Variants in GOLM2 observed in about 807,000 individuals in gnomAD.
GOLM2 encodes protein GOLM2.
Under a neutral mutation model 55.9 loss-of-function variants are expected in GOLM2, and 26 were observed. The observed-to-expected ratio is 0.47, with a 90% CI of 0.34 to 0.65. The LOEUF is 0.65. Among genes scored for constraint, GOLM2 ranks in the 30% least tolerant of loss-of-function variants. The pLI, the probability that GOLM2 is intolerant of heterozygous loss-of-function variation, is 0.01. For synonymous variants in GOLM2, 165 were observed against 194.6 expected, an observed-to-expected ratio of 0.85 and a Z score of 1.27; for missense variants, 486 against 531.8, an observed-to-expected ratio of 0.91 and a Z score of 0.85.
At chr15:44,370,680 A>T (rs1321494956) in intron 6 of GOLM2, among the ~76,000 whole-genome samples, 3 of 152,068 alleles carry the variant, frequency 2.0e-5, no homozygotes, top group African/African-American at 7.2e-5. Flanking sequence ...AATAGGGAAG[A>T]CGGGGAGAAT....
chr15:44,298,265 C>CTT (rs1244084019), intron 1 of GOLM2, among the ~76,000 whole-genome samples: 3 of 134,402 alleles, frequency 2.2e-5, no homozygotes, highest in Non-Finnish European at 3.2e-5. Flanking sequence ...TTTTCTTTTT[C>CTT]TTTTTTTTTT....
intron 8 of GOLM2, among the ~76,000 whole-genome samples, chr15:44,399,771 G>T (rs2079552742): frequency 6.6e-6 from 1 of 152,118 alleles, no homozygotes; most frequent in Admixed American, 6.6e-5. Flanking sequence ...GAGGCGGGCG[G>T]ATCACCTGAG....
At chr15:44,331,161 C>T (rs974192046) in intron 3 of GOLM2, among the ~76,000 whole-genome samples, 4 of 151,992 alleles carry the variant, frequency 2.6e-5, no homozygotes, top group African/African-American at 9.7e-5. Context: ...ACCACAGGCA[C>T]GTACCACCAT....
At chr15:44,365,142 T>C (rs12591811) in intron 6 of GOLM2, among the ~76,000 whole-genome samples, 6,821 of 152,276 alleles carry the variant, frequency 0.045, 262 homozygotes, top group East Asian at 0.19. Flanking sequence ...AACCAAGATA[T>C]TCTTCAGTAG....
In GOLM2 at chr15:44,413,663, C is replaced by G. The variant is rs540130412; in HGVS notation, c.*257C>G. On this transcript the variant is annotated 3_prime_UTR_variant, in exon 10 of 10. Transcript: ENST00000299957. Reference sequence around the variant, plus strand: ...AGCTAATCTTTGCATCTAAAGCAAACTAATGTATATTTCACATTTTATTGA... The same window carrying G: ...AGCTAATCTTTGCATCTAAAGCAAAGTAATGTATATTTCACATTTTATTGA... 27 of 361,946 alleles carry G rather than the reference C, an allele frequency of 7.5e-5. No homozygotes were observed. The highest frequency in any genetic ancestry group is 1.2e-4 in the Non-Finnish European group (24 of 199,132). 22.4% of individuals were successfully genotyped at this position (361,946 alleles called of 1,614,324 possible). A position where few individuals can be genotyped will look rare whatever the true frequency, so the allele number is the denominator to read the frequency against.
At chr15:44,369,096 TATATATATATATATATATATAC>T (rs1283190177) in intron 6 of GOLM2, among the ~76,000 whole-genome samples, 1 of 91,674 alleles carries the variant, frequency 1.1e-5, no homozygotes, top group Non-Finnish European at 2.3e-5. Flanking sequence ...TATATATATA[TATATATATATATATATATATAC>T]CCGGCTACCA....
chr15:44,359,193 G>A (rs1227505642), intron 6 of GOLM2, among the ~76,000 whole-genome samples: 2 of 151,824 alleles, frequency 1.3e-5, no homozygotes, highest in Non-Finnish European at 2.9e-5. Flanking sequence ...AGAAACTTCT[G>A]TGAGTGAAAA....
intron 1 of GOLM2, among the ~76,000 whole-genome samples, chr15:44,314,426 G>C (rs2078895120): frequency 6.6e-6 from 1 of 151,834 alleles, no homozygotes; most frequent in Non-Finnish European, 1.5e-5. Context: ...GGGCATGGTG[G>C]TGTATGCCTG....
intron 6 of GOLM2, chr15:44,348,758 T>C (rs1355902808): frequency 6.5e-6 from 1 of 153,516 alleles, no homozygotes; most frequent in Non-Finnish European, 1.4e-5. Flanking sequence ...CTAATGGTGG[T>C]GCCACAGTGG....
intron 9 of GOLM2, among the ~76,000 whole-genome samples, chr15:44,405,008 TC>T (rs1410463638): frequency 6.6e-6 from 1 of 152,248 alleles, no homozygotes; most frequent in Non-Finnish European, 1.5e-5. Context: ...GTCAATCATT[TC>T]TTATATCTTA....
intron 7 of GOLM2, 124 bp from the exon 8 acceptor site, chr15:44,380,661 CCTTTAAAAAAAAAAAAAAAAG>C: frequency 2.0e-6 from 1 of 504,582 alleles, no homozygotes; most frequent in Non-Finnish European, 3.2e-6. Context: ...TGAGAATAAA[CCTTTAAAAAAAAAAAAAAAAG>C]CTTTGTGGCT....
chr15:44,330,693 C>T (rs2079017477), intron 3 of GOLM2, among the ~76,000 whole-genome samples: 1 of 151,964 alleles, frequency 6.6e-6, no homozygotes, highest in African/African-American at 2.4e-5. Context: ...ATCATGCCTG[C>T]ACTCCAGTCT....
At chr15:44,351,507 G>A (rs1389462068) in intron 6 of GOLM2, among the ~76,000 whole-genome samples, 13 of 146,992 alleles carry the variant, frequency 8.8e-5, no homozygotes, top group Non-Finnish European at 1.9e-4. Flanking sequence ...AACCCGGGAG[G>A]CACAGCTTGC....
chr15:44,310,508 A>C lies in GOLM2; in HGVS notation c.328-12457A>C, dbSNP rs61658835. On this transcript the variant is annotated intron_variant, in intron 1 of 9. Coordinates refer to ENST00000299957, the MANE Select transcript of GOLM2 (RefSeq NM_138423.4). ...TATATATACACACACACACCCACAC[A>C]CACACACACACACACACATACATAT... Among the ~76,000 whole-genome samples, 1,356 of 148,790 alleles carry C rather than the reference A, an allele frequency of 9.1e-3. 24 individuals carry two copies. Among genetic ancestry groups the C allele is most frequent in the African/African-American group, 0.032 (1,274 of 40,394 alleles).
chr15:44,318,668 C>A (rs1368559143), intron 1 of GOLM2, among the ~76,000 whole-genome samples: 1 of 149,586 alleles, frequency 6.7e-6, no homozygotes, highest in Non-Finnish European at 1.5e-5. Context: ...GAGATTGGGT[C>A]GCTGCACTCC....
At chr15:44,409,161 G>A (rs954004316) in intron 9 of GOLM2, among the ~76,000 whole-genome samples, 3 of 151,098 alleles carry the variant, frequency 2.0e-5, no homozygotes, top group African/African-American at 7.3e-5. Flanking sequence ...GCGGGCACCC[G>A]TAGTCCCAGC....
chr15:44,345,186 T>A (rs2079115727), intron 6 of GOLM2, among the ~76,000 whole-genome samples: 1 of 151,850 alleles, frequency 6.6e-6, no homozygotes, highest in Non-Finnish European at 1.5e-5. Context: ...CTCAGCTCAC[T>A]GCAACTGCCG....
intron 1 of GOLM2, among the ~76,000 whole-genome samples, chr15:44,301,793 T>C (rs1414180680): frequency 6.6e-6 from 1 of 151,904 alleles, no homozygotes; most frequent in Non-Finnish European, 1.5e-5. Flanking sequence ...ATGCCTATAA[T>C]CCCATTTACT....
intron 3 of GOLM2, among the ~76,000 whole-genome samples, chr15:44,331,198 G>C (rs933447072): frequency 4.6e-5 from 7 of 152,056 alleles, no homozygotes; most frequent in Non-Finnish European, 1.0e-4. Flanking sequence ...TGTATCTTTA[G>C]TAGAGACAGG....
Sources: allele counts gnomAD v4.1 joint callset (sites outside exome capture counted in the v4.1 genomes callset), GRCh38; gene constraint gnomAD v4.1.1; transcripts MANE v1.5; gene names NCBI Gene and HGNC (gene_info 2026-07-23, HGNC 2026-07-21).